The following USP38 variants were observed in gnomAD, a reference collection of about 807,000 sequenced individuals.
USP38 encodes ubiquitin specific peptidase 38, also known as ubiquitin carboxyl-terminal hydrolase 38.
Under a neutral mutation model 94.3 loss-of-function variants are expected in USP38, and 49 were observed. The observed-to-expected ratio is 0.52, with a 90% CI of 0.41 to 0.66. The LOEUF is 0.66. Ranked by LOEUF, USP38 falls within the 30% of genes least tolerant of loss-of-function variation. The probability of loss-of-function intolerance (pLI) is 0.00; values close to 1 mark genes in which losing one functional copy is unlikely to be tolerated. For synonymous variants in USP38, 468 were observed against 463.6 expected (o/e 1.01, Z -0.12); for missense variants, 1,128 against 1,229.4 (o/e 0.92, Z 1.23).
chr4:143,185,327 TG>T lies in USP38; in HGVS notation c.-122del. 9.2e-7 allele frequency: 1 copy of T among 1,081,214 alleles called. No individual in the cohort carries two copies. The highest frequency in any genetic ancestry group is 1.3e-6 in the Non-Finnish European group (1 of 774,258). 67.0% of individuals were successfully genotyped at this position (1,081,214 alleles called of 1,614,324 possible). A position where few individuals can be genotyped will look rare whatever the true frequency, so the allele number is the denominator to read the frequency against. The stretch of plus-strand genomic sequence containing the variant: ...GTGGCTGCTGAGGCGGCGGTGGCCG[TG>T]GCCCGTCGCGCTGCTGCTGCGGCGC... On this transcript the variant is annotated 5_prime_UTR_variant, in exon 1 of 10. Transcript: ENST00000307017.
At position 143,185,836 on chromosome 4, in the gene USP38, T is replaced by G. The variant is rs748189525; in HGVS notation, c.386T>G (p.Val129Gly). The change falls in exon 1 of 10, where the codon GTA becomes GGA. Residue 129 changes from valine (V) to glycine (G), a missense_variant. Physicochemically the swap from Val to Gly is moderately radical, Grantham distance 109. Coordinates refer to ENST00000307017, the MANE Select transcript of USP38 (RefSeq NM_032557.6). ...SVLDLFSLLQ[V>G]EVLRMVCERP... ...CTGGATCTCTTTAGCCTCCTGCAGG[T>G]AGAGGTGTTACGGATGGTGTGTGAG... The G allele has an allele frequency of 6.2e-7, 1 of 1,614,124 alleles. No individual in the cohort carries two copies. Among genetic ancestry groups the G allele is most frequent in the East Asian group, 2.2e-5 (1 of 44,870 alleles).
At position 143,185,881 on chromosome 4, in the gene USP38, G is replaced by C; in HGVS notation, c.431G>C (p.Cys144Ser). The C allele has an allele frequency of 6.2e-7, 1 of 1,614,202 alleles. No homozygotes were observed. Among genetic ancestry groups the C allele is most frequent in the Non-Finnish European group, 8.5e-7 (1 of 1,180,038 alleles). ...TGTGAGAGGCCGGAGCCGCAGCTCT[G>C]TGCCCGACTGAGCGACCTTCTGACC... ...MVCERPEPQL[C>S]ARLSDLLTDF... Residue 144 changes from cysteine (C) to serine (S), a missense_variant, in exon 1 of 10, where the codon TGT becomes TCT. Coordinates refer to ENST00000307017, the MANE Select transcript of USP38 (RefSeq NM_032557.6).
rs1732364788 is a variant in USP38, at chr4:143,223,047, C to T, written c.*2591C>T. On this transcript the variant is annotated 3_prime_UTR_variant, in exon 10 of 10. Transcript: ENST00000307017. Reference sequence around the variant, plus strand: ...TGAAAAACTACAAATCTGAGTCTTTCTTTCAAAGATGTTTATTGACATAAT... The same window carrying T: ...TGAAAAACTACAAATCTGAGTCTTTTTTTCAAAGATGTTTATTGACATAAT... 6.6e-6 allele frequency: 1 copy of T among 152,068 alleles called. No individual in the cohort carries two copies. Among genetic ancestry groups the T allele is most frequent in the Non-Finnish European group, 1.5e-5 (1 of 67,972 alleles). 9.4% of individuals were successfully genotyped at this position (152,068 alleles called of 1,614,324 possible). A position where few individuals can be genotyped will look rare whatever the true frequency, so the allele number is the denominator to read the frequency against.
intron 6 of USP38, among the ~76,000 whole-genome samples, chr4:143,208,269 T>G (rs1488834258): frequency 6.6e-6 from 1 of 152,120 alleles, no homozygotes; most frequent in African/African-American, 2.4e-5. Flanking sequence ...AAATTAGTAT[T>G]TAATAAATAC....
chr4:143,211,787 A>G (rs1400913766), intron 7 of USP38, among the ~76,000 whole-genome samples: 1 of 152,204 alleles, frequency 6.6e-6, no homozygotes, highest in South Asian at 2.1e-4. Context: ...AAAAATTAGC[A>G]AAGGTTTCTA....
rs1463316758 is a variant in USP38 at position 143,187,908 on chromosome 4, C to G, written c.765C>G (p.Ser255Arg). 18 of 1,613,638 alleles carry G rather than the reference C, an allele frequency of 1.1e-5. No homozygotes were observed. The highest frequency in any genetic ancestry group is 2.2e-5 in the South Asian group (2 of 91,072). Residue 255 changes from serine (S) to arginine (R), a missense_variant, in exon 2 of 10, where the codon AGC becomes AGG. Coordinates refer to ENST00000307017, the MANE Select transcript of USP38 (RefSeq NM_032557.6). ...PLQMITVLIR[S>R]LTTDPNVKDA... ...AGATGATTACAGTTCTCATCAGGAG[C>G]CTTACTACGGATCCAAATGTAAAAG...
At chr4:143,199,027 G>T (rs990755539) in intron 4 of USP38, among the ~76,000 whole-genome samples, 4 of 151,932 alleles carry the variant, frequency 2.6e-5, no homozygotes, top group Non-Finnish European at 5.9e-5. Context: ...ATGAAAGTTT[G>T]TTACATAGGT....
chr4:143,192,665 G>A (rs1196569334), intron 2 of USP38, among the ~76,000 whole-genome samples: 3 of 151,562 alleles, frequency 2.0e-5, no homozygotes, highest in Non-Finnish European at 4.4e-5. Flanking sequence ...AAGAGCAGGG[G>A]TGCCCCCTTC....
rs981950069 is a variant in USP38, at chr4:143,221,693, C to T, written c.*1237C>T. Reference sequence around the variant, plus strand: ...ACTCAAGAGTTATCCCAGTTATCCCCCTTCCTAAAGGTTTTAACTTATCCA... The same window carrying T: ...ACTCAAGAGTTATCCCAGTTATCCCTCTTCCTAAAGGTTTTAACTTATCCA... On this transcript the variant is annotated 3_prime_UTR_variant, in exon 10 of 10. Transcript: ENST00000307017. 4 of 152,084 alleles carry T rather than the reference C, an allele frequency of 2.6e-5. No homozygotes were observed. The highest frequency in any genetic ancestry group is 9.7e-5 in the African/African-American group (4 of 41,448). 9.4% of individuals were successfully genotyped at this position (152,084 alleles called of 1,614,324 possible).
Position 143,214,540 on chromosome 4 carries a change from G to T in USP38, c.2564G>T (p.Ser855Ile). The change falls in exon 9 of 10, where the codon AGT (serine) becomes ATT (isoleucine). Residue 855 changes from serine (S) to isoleucine (I), a missense_variant. By Grantham distance (142) the Ser-to-Ile change is moderately radical. Coordinates refer to ENST00000307017, the MANE Select transcript of USP38 (RefSeq NM_032557.6). ...GTTCACTCTGGTATATCCTCTGAAA[G>T]TGGGCATTACTATTCTTATGCCAGG... ...VVVHSGISSESGHYYSYARNI... is the reference protein window; with the variant it reads ...VVVHSGISSEIGHYYSYARNI... The T allele has an allele frequency of 1.2e-6, 2 of 1,613,620 alleles. No homozygotes were observed. The highest frequency in any genetic ancestry group is 1.7e-6 in the Non-Finnish European group (2 of 1,179,818).
At position 143,187,935 on chromosome 4, in the gene USP38, T is replaced by G; in HGVS notation, c.792T>G (p.Asp264Glu). 6.2e-7 allele frequency: 1 copy of G among 1,613,664 alleles called. No homozygotes were observed. Among genetic ancestry groups the G allele is most frequent in the Non-Finnish European group, 8.5e-7 (1 of 1,179,710 alleles). The change falls in exon 2 of 10, where the codon GAT (aspartate) becomes GAG (glutamate). Residue 264 changes from aspartate (D) to glutamate (E), a missense_variant. Asp to Glu is a conservative substitution (Grantham distance 45). Coordinates refer to ENST00000307017, the MANE Select transcript of USP38 (RefSeq NM_032557.6). The stretch of plus-strand genomic sequence containing the variant: ...TTACTACGGATCCAAATGTAAAAGA[T>G]GCAAGTATGACCCAAGCCCTTTGCA... ...RSLTTDPNVK[D>E]ASMTQALCRM...
intron 2 of USP38, among the ~76,000 whole-genome samples, chr4:143,189,154 A>G (rs1581154518): frequency 6.6e-6 from 1 of 152,064 alleles, no homozygotes; most frequent in Non-Finnish European, 1.5e-5. Flanking sequence ...AAGTGAAGAC[A>G]TGAAGGATGT....
chr4:143,203,562 T>C lies in USP38; in HGVS notation c.1205T>C (p.Ile402Thr), dbSNP rs775307339. Residue 402 changes from isoleucine (I) to threonine (T), a missense_variant, in exon 5 of 10, where the codon ATA becomes ACA. By Grantham distance (89) the Ile-to-Thr change is moderately conservative. Transcript: ENST00000307017. ...CTCTATGAACCTATTCTGGAGGCAA[T>C]AAAGGTATGATGATAGTTGTACCAA... ...PDLYEPILEA[I>T]KDFPKPSEEK... 30 of 1,609,920 alleles carry C rather than the reference T, an allele frequency of 1.9e-5. No homozygotes were observed. The highest frequency in any genetic ancestry group is 2.4e-5 in the Non-Finnish European group (28 of 1,178,840).
At chr4:143,211,442 A>G (rs916953564) in intron 7 of USP38, among the ~76,000 whole-genome samples, 4 of 152,192 alleles carry the variant, frequency 2.6e-5, no homozygotes, top group African/African-American at 9.6e-5. Flanking sequence ...AAACAGGCTT[A>G]CATTACCTGT....
At chr4:143,186,766 A>T (rs1004244426) in intron 1 of USP38, among the ~76,000 whole-genome samples, 1 of 152,234 alleles carries the variant, frequency 6.6e-6, no homozygotes, top group African/African-American at 2.4e-5. Flanking sequence ...GGGTCACATG[A>T]TACTTGCCTA....
At chr4:143,215,621 A>T (rs931447083) in intron 9 of USP38, 1 of 152,044 alleles carries the variant, frequency 6.6e-6, no homozygotes, top group Non-Finnish European at 1.5e-5. Flanking sequence ...TGTTCTCAAC[A>T]TACAGGGCTA....
At chr4:143,194,503 C>T (rs1209765510) in intron 2 of USP38, among the ~76,000 whole-genome samples, 1 of 151,688 alleles carries the variant, frequency 6.6e-6, no homozygotes, top group African/African-American at 2.4e-5. Flanking sequence ...ACATTTGCTT[C>T]AGTTGCTTTC....
At position 143,222,172 on chromosome 4, in the gene USP38, T is replaced by C. The variant is rs976881957; in HGVS notation, c.*1716T>C. 1 of 152,094 alleles carries C rather than the reference T, an allele frequency of 6.6e-6. No individual in the cohort carries two copies. The highest frequency in any genetic ancestry group is 2.4e-5 in the African/African-American group (1 of 41,454). The allele number at this position is 152,094 out of a possible 1,614,324, so 9.4% of individuals were successfully genotyped here. A position where few individuals can be genotyped will look rare whatever the true frequency, so the allele number is the denominator to read the frequency against. Reference sequence around the variant, plus strand: ...TGGGCTAAGATGCTTCTAGGAACTTTCATAAAAGCAATTATACTTGTGCAG... The same window carrying C: ...TGGGCTAAGATGCTTCTAGGAACTTCCATAAAAGCAATTATACTTGTGCAG... On this transcript the variant is annotated 3_prime_UTR_variant, in exon 10 of 10. Coordinates refer to ENST00000307017, the MANE Select transcript of USP38 (RefSeq NM_032557.6).
chr4:143,216,130 G>A (rs1167398226), intron 9 of USP38, among the ~76,000 whole-genome samples: 1 of 152,070 alleles, frequency 6.6e-6, no homozygotes, highest in Admixed American at 6.6e-5. Context: ...CCACTTGTTT[G>A]TAGCTTAGCT....
Sources: allele counts gnomAD v4.1 joint callset (sites outside exome capture counted in the v4.1 genomes callset), GRCh38; gene constraint gnomAD v4.1.1; transcripts MANE v1.5; gene names NCBI Gene and HGNC (gene_info 2026-07-23, HGNC 2026-07-21).